SGCZ: variants seen among roughly 807,000 people sequenced by gnomAD.
SGCZ encodes sarcoglycan zeta, also known as zeta-sarcoglycan.
In SGCZ, 40 loss-of-function variants were observed where a neutral mutation model predicts 41.3. The observed-to-expected ratio is 0.97, with a 90% CI of 0.75 to 1.26. The LOEUF (loss-of-function observed/expected upper bound fraction) is 1.26, where lower values mean the gene tolerates loss of function less well. SGCZ is among the 50% of genes most tolerant of loss of function. The probability of loss-of-function intolerance (pLI) is 0.00; values close to 1 mark genes in which losing one functional copy is unlikely to be tolerated. For missense variants in SGCZ, 552 were observed against 369.8 expected (o/e 1.49, Z -4.04); for synonymous variants, 206 against 137.5 (o/e 1.50, Z -3.49).
chr8:14,664,917 C>T (rs923281941), intron 1 of SGCZ, among the ~76,000 whole-genome samples: 2 of 152,230 alleles, frequency 1.3e-5, no homozygotes, highest in African/African-American at 4.8e-5. Context: ...ACCAGGTCAC[C>T]TCATTTTAGA....
chr8:14,298,788 A>G (rs1801098154), intron 3 of SGCZ, among the ~76,000 whole-genome samples: 1 of 152,050 alleles, frequency 6.6e-6, no homozygotes, highest in Non-Finnish European at 1.5e-5. Flanking sequence ...AGTCAATGGA[A>G]TACTGATCAA....
At chr8:15,208,059 C>T (rs996001973) in intron 1 of SGCZ, among the ~76,000 whole-genome samples, 4 of 152,232 alleles carry the variant, frequency 2.6e-5, no homozygotes, top group South Asian at 4.1e-4. Context: ...TATGTGTCTA[C>T]TAAATATTAT....
chr8:14,459,909 C>A (rs567068008), intron 2 of SGCZ, among the ~76,000 whole-genome samples: 1 of 152,020 alleles, frequency 6.6e-6, no homozygotes, highest in East Asian at 1.9e-4. Flanking sequence ...ATGAGTCAAG[C>A]CATAAAAAGA....
At chr8:14,601,423 G>A (rs1271896397) in intron 1 of SGCZ, among the ~76,000 whole-genome samples, 3 of 152,030 alleles carry the variant, frequency 2.0e-5, no homozygotes, top group South Asian at 2.1e-4. Flanking sequence ...ATAAATGGAA[G>A]AATACAGTTA....
chr8:14,226,796 T>C (rs568000669), intron 4 of SGCZ, among the ~76,000 whole-genome samples: 1 of 152,074 alleles, frequency 6.6e-6, no homozygotes. Context: ...TTTAGAAAGG[T>C]GTAATGTTTT....
intron 1 of SGCZ, among the ~76,000 whole-genome samples, chr8:14,713,508 A>T (rs1470312447): frequency 1.3e-5 from 2 of 152,130 alleles, no homozygotes; most frequent in Non-Finnish European, 1.5e-5. Flanking sequence ...TGACCAACTG[A>T]CTCACACTTT....
At chr8:14,580,321 T>G (rs746899589) in intron 1 of SGCZ, among the ~76,000 whole-genome samples, 2 of 152,230 alleles carry the variant, frequency 1.3e-5, no homozygotes, top group African/African-American at 2.4e-5. Context: ...CTACTCTGAT[T>G]TTTCAGTTAT....
chr8:14,813,347 T>G (rs546990165), intron 1 of SGCZ, among the ~76,000 whole-genome samples: 6 of 152,288 alleles, frequency 3.9e-5, no homozygotes, highest in Non-Finnish European at 7.4e-5. Flanking sequence ...TGAATGTTAA[T>G]TGACCCACTT....
At chr8:14,620,982 A>T (rs1806265147) in intron 1 of SGCZ, among the ~76,000 whole-genome samples, 1 of 152,136 alleles carries the variant, frequency 6.6e-6, no homozygotes, top group East Asian at 1.9e-4. Flanking sequence ...GTAAAGACAC[A>T]TGCATGCATA....
At chr8:14,209,999 C>G (rs904196588) in intron 4 of SGCZ, among the ~76,000 whole-genome samples, 27 of 62,356 alleles carry the variant, frequency 4.3e-4, no homozygotes, top group African/African-American at 1.1e-3. Context: ...AACTGTAAAG[C>G]CTTCAGATTC....
At chr8:14,124,746 T>C (rs2117043175) in intron 5 of SGCZ, among the ~76,000 whole-genome samples, 1 of 152,300 alleles carries the variant, frequency 6.6e-6, no homozygotes, top group South Asian at 2.1e-4. Flanking sequence ...TCTTATTCAC[T>C]TCTTTTTCCA....
At chr8:14,612,486 G>A (rs1291210401) in intron 1 of SGCZ, among the ~76,000 whole-genome samples, 1 of 152,086 alleles carries the variant, frequency 6.6e-6, no homozygotes, top group Admixed American at 6.6e-5. Flanking sequence ...CCAGACTCAG[G>A]GAAGTTCTTT....
At chr8:14,115,814 T>C (rs1224473198) in intron 5 of SGCZ, among the ~76,000 whole-genome samples, 1 of 151,894 alleles carries the variant, frequency 6.6e-6, no homozygotes, top group Non-Finnish European at 1.5e-5. Flanking sequence ...GGGGTGGAAA[T>C]TAGTAAATTC....
intron 1 of SGCZ, among the ~76,000 whole-genome samples, chr8:15,098,656 C>T (rs1031556724): frequency 6.6e-6 from 1 of 152,154 alleles, no homozygotes; most frequent in Non-Finnish European, 1.5e-5. Flanking sequence ...ACCTGTTCTG[C>T]CTTTTTTTTC....
chr8:14,501,966 T>C (rs1802168471), intron 2 of SGCZ, among the ~76,000 whole-genome samples: 1 of 152,118 alleles, frequency 6.6e-6, no homozygotes, highest in South Asian at 2.1e-4. Context: ...AAGCGAAAAG[T>C]ATAATCCATA....
intron 4 of SGCZ, among the ~76,000 whole-genome samples, chr8:14,234,595 T>G (rs1460903691): frequency 6.6e-6 from 1 of 152,048 alleles, no homozygotes; most frequent in Non-Finnish European, 1.5e-5. Flanking sequence ...ATTCAGTTTG[T>G]GTGCTAATTT....
chr8:14,193,016 T>C (rs1805154589), intron 4 of SGCZ, among the ~76,000 whole-genome samples: 1 of 151,968 alleles, frequency 6.6e-6, no homozygotes, highest in East Asian at 1.9e-4. Flanking sequence ...ATACAAATTA[T>C]GGTTATATTG....
intron 1 of SGCZ, among the ~76,000 whole-genome samples, chr8:14,891,309 G>C (rs1805009290): frequency 6.6e-6 from 1 of 152,190 alleles, no homozygotes; most frequent in African/African-American, 2.4e-5. Context: ...ATGAAAGGAG[G>C]TCAAAATAGA....
intron 1 of SGCZ, among the ~76,000 whole-genome samples, chr8:14,929,349 G>T (rs986519059): frequency 1.3e-5 from 2 of 152,126 alleles, no homozygotes; most frequent in African/African-American, 4.8e-5. Flanking sequence ...TATATAAAGT[G>T]AGAGGCATAT....
Sources: gnomAD v4.1 joint callset for allele counts (sites outside exome capture counted in the v4.1 genomes callset) on GRCh38, gnomAD v4.1.1 for gene constraint, MANE v1.5 for transcripts, NCBI Gene and HGNC (gene_info 2026-07-23, HGNC 2026-07-21) for gene names.